Variants in SYNCRIP observed in about 807,000 individuals in gnomAD.
SYNCRIP encodes the protein heterogeneous nuclear ribonucleoprotein Q.
Under a neutral mutation model 68.9 loss-of-function variants are expected in SYNCRIP, and 9 were observed. The ratio of observed to expected loss-of-function variants is 0.13; its 90% confidence interval spans 0.08 to 0.23. The LOEUF (loss-of-function observed/expected upper bound fraction) is 0.23, where lower values mean the gene tolerates loss of function less well. SYNCRIP is among the 10% of genes least tolerant of loss of function. SYNCRIP has a pLI of 1.00. For synonymous variants in SYNCRIP, 258 were observed against 254.0 expected (o/e 1.02, Z -0.15); for missense variants, 414 against 770.6 (o/e 0.54, Z 5.48).
At chr6:85,627,812 T>C (rs1807236057) in intron 6 of SYNCRIP, among the ~76,000 whole-genome samples, 1 of 152,152 alleles carries the variant, frequency 6.6e-6, no homozygotes, top group Non-Finnish European at 1.5e-5. Context: ...AAAATGAAGA[T>C]TAATTATGAT....
At position 85,613,982 on chromosome 6, in the gene SYNCRIP, C is replaced by A. The variant is rs943508033; in HGVS notation, c.*774G>T. On this transcript the variant is annotated 3_prime_UTR_variant, in exon 11 of 11. Transcript: ENST00000369622. ...AATACTTACCAACTTAAACTTACTA[C>A]ATGTATTATCTTTTTATTTTTGATG... The A allele has an allele frequency of 3.7e-5, 36 of 983,560 alleles. No individual in the cohort carries two copies. Among genetic ancestry groups the A allele is most frequent in the Admixed American group, 6.2e-5 (1 of 16,252 alleles). The allele number at this position is 983,560 out of a possible 1,614,324, so 60.9% of individuals were successfully genotyped here. A position where few individuals can be genotyped will look rare whatever the true frequency, so the allele number is the denominator to read the frequency against.
intron 1 of SYNCRIP, among the ~76,000 whole-genome samples, chr6:85,642,309 A>G (rs1340288334): frequency 2.0e-5 from 3 of 151,896 alleles, no homozygotes; most frequent in Admixed American, 2.0e-4. Context: ...CCGAGACGTG[A>G]CCCGTGGCGC....
chr6:85,611,766 G>C (rs956339417), downstream of SYNCRIP: 4 of 151,818 alleles, frequency 2.6e-5, no homozygotes, highest in African/African-American at 9.7e-5. Context: ...TGATTCACAT[G>C]TTTACAGTGA....
chr6:85,607,794 A>G (rs1804955003), downstream of SYNCRIP: 1 of 152,084 alleles, frequency 6.6e-6, no homozygotes, highest in Non-Finnish European at 1.5e-5. Flanking sequence ...TAATTTCCAA[A>G]ATGGTTTATT....
At chr6:85,629,249 C>T (rs1807420168) in intron 6 of SYNCRIP, among the ~76,000 whole-genome samples, 1 of 152,138 alleles carries the variant, frequency 6.6e-6, no homozygotes, top group African/African-American at 2.4e-5. Context: ...CAACCCTAAT[C>T]CAGTCTCCCT....
At chr6:85,610,289 ATTTAAT>A (rs887917982), downstream of SYNCRIP, 8 of 151,994 alleles carry the variant, frequency 5.3e-5, no homozygotes, top group African/African-American at 1.9e-4. Context: ...TGCAAATGAT[ATTTAAT>A]TTTAAAAGTA....
chr6:85,622,336 T>TC (rs1806511578), intron 8 of SYNCRIP, 146 bp downstream of exon 8: 11 of 797,384 alleles, frequency 1.4e-5, no homozygotes, highest in African/African-American at 3.5e-5. Context: ...ACCATGGCAC[T>TC]CCAGCCTGGG....
chr6:85,641,274 G>C lies in SYNCRIP; in HGVS notation c.148+18C>G. ...TAGAAAAATTTCATAATGTAATTTTGCAAGTGTTAGTTCTTACCTGCAACG... is the reference window on the plus strand; with the variant it reads ...TAGAAAAATTTCATAATGTAATTTTCCAAGTGTTAGTTCTTACCTGCAACG... On this transcript the variant is annotated intron_variant, in intron 2 of 10. Transcript: ENST00000369622. 5 of 1,585,998 alleles carry C rather than the reference G, an allele frequency of 3.2e-6. No homozygotes were observed. The highest frequency in any genetic ancestry group is 4.3e-6 in the Non-Finnish European group (5 of 1,168,276).
At chr6:85,616,352 G>A (rs1387160478) in intron 10 of SYNCRIP, among the ~76,000 whole-genome samples, 1 of 152,148 alleles carries the variant, frequency 6.6e-6, no homozygotes, top group African/African-American at 2.4e-5. Context: ...TTGAGACACA[G>A]TCTTGCTCTG....
rs764298023 is a variant in SYNCRIP at position 85,619,254 on chromosome 6, T to C, written c.1158+14A>G. On this transcript the variant is annotated intron_variant, in intron 9 of 10. Coordinates refer to ENST00000369622, the MANE Select transcript of SYNCRIP (RefSeq NM_006372.5). ...TTAGTCTGATTTAGATGCCTGTAAT[T>C]CCACCATATTTACCTTGACAGCACC... 3 of 1,612,514 alleles carry C rather than the reference T, an allele frequency of 1.9e-6. No homozygotes were observed. The South Asian group carries it at 3.3e-5, about 18-fold the overall frequency.
chr6:85,614,915 GT>G lies in SYNCRIP; in HGVS notation c.1712del (p.Asn571ThrfsTer73). The G allele has an allele frequency of 6.2e-7, 1 of 1,614,154 alleles. No individual in the cohort carries two copies. Among genetic ancestry groups the G allele is most frequent in the Non-Finnish European group, 8.5e-7 (1 of 1,180,030 alleles). The stretch of plus-strand genomic sequence containing the variant: ...TCTGGCGCCGCTTGGAATCTGGCTG[GT>G]TGTACCCATCAGCTTTGCGCTTTCC... ...VGGKRKADGY[N>X]QPDSKRRQTN... is the part of the protein sequence containing the mutation. On this transcript the variant is annotated frameshift_variant, in exon 11 of 11. Coordinates refer to ENST00000369622, the MANE Select transcript of SYNCRIP (RefSeq NM_006372.5). LOFTEE classifies it high-confidence loss of function.
rs1442257751 is a variant in SYNCRIP, at chr6:85,631,133, A to C, written c.666+5834T>G. ...TGAGGCGGGCAAATCACTTGGGGTCAGGAGTTCGAGACCAGCCTGGCCAAC... is the reference window on the plus strand; with the variant it reads ...TGAGGCGGGCAAATCACTTGGGGTCCGGAGTTCGAGACCAGCCTGGCCAAC... On this transcript the variant is annotated intron_variant, in intron 6 of 10. Transcript: ENST00000369622. Among the ~76,000 whole-genome samples, 4 of 152,184 alleles carry C rather than the reference A, an allele frequency of 2.6e-5. No individual in the cohort carries two copies. The East Asian group carries it at 7.7e-4, about 29-fold the overall frequency.
rs1419176029 is a variant in SYNCRIP, at chr6:85,615,930, A to C, written c.1281-583T>G. ...ACAAGCACACAACCAAAATGTGTGA[A>C]GTTCAAAGTTTACTACAGTAAATTA... On this transcript the variant is annotated intron_variant, in intron 10 of 10. Coordinates refer to ENST00000369622, the MANE Select transcript of SYNCRIP (RefSeq NM_006372.5). Among the ~76,000 whole-genome samples, 4 of 152,256 alleles carry C rather than the reference A, an allele frequency of 2.6e-5. No homozygotes were observed. In the East Asian group the frequency reaches 7.7e-4, roughly 29 times the overall value.
At chr6:85,641,506 C>A in intron 1 of SYNCRIP, 55 bp from the exon 2 acceptor site, 1 of 1,529,266 alleles carries the variant, frequency 6.5e-7, no homozygotes. Flanking sequence ...GAATACAAGA[C>A]AATATGAGAG....
rs1805503077 is a variant in SYNCRIP at position 85,614,117 on chromosome 6, C to T, written c.*639G>A. Reference sequence around the variant, plus strand: ...ATTCCACACAAGAATTAACAAGGCACAAAACCCTTTAATTGGCCTTGACAT... The same window carrying T: ...ATTCCACACAAGAATTAACAAGGCATAAAACCCTTTAATTGGCCTTGACAT... On this transcript the variant is annotated 3_prime_UTR_variant, in exon 11 of 11. Transcript: ENST00000369622. The T allele has an allele frequency of 1.0e-6, 1 of 985,808 alleles. No individual in the cohort carries two copies. The highest frequency in any genetic ancestry group is 1.2e-6 in the Non-Finnish European group (1 of 829,922). The allele number at this position is 985,808 out of a possible 1,614,324, so 61.1% of individuals were successfully genotyped here.
intron 7 of SYNCRIP, among the ~76,000 whole-genome samples, chr6:85,623,651 C>CTACTAAGAA (rs1205434560): frequency 6.7e-6 from 1 of 148,794 alleles, no homozygotes; most frequent in Non-Finnish European, 1.5e-5. Context: ...TCAAACAATT[C>CTACTAAGAA]TACTAAGAAC....
At chr6:85,626,822 C>CA (rs1296410185) in intron 6 of SYNCRIP, among the ~76,000 whole-genome samples, 1 of 152,198 alleles carries the variant, frequency 6.6e-6, no homozygotes, top group East Asian at 1.9e-4. Flanking sequence ...TACCCATCAT[C>CA]ACTAGCCCTG....
chr6:85,623,562 CAAAAAA>C (rs67258131), intron 7 of SYNCRIP, among the ~76,000 whole-genome samples: 7 of 63,254 alleles, frequency 1.1e-4, no homozygotes, highest in South Asian at 6.7e-4. Context: ...AGACTGTCTC[CAAAAAA>C]AAAAAAAAAA....
chr6:85,631,820 G>A (rs906473412), intron 6 of SYNCRIP, among the ~76,000 whole-genome samples: 25 of 152,174 alleles, frequency 1.6e-4, no homozygotes, highest in African/African-American at 5.6e-4. Context: ...TAGCTGTATG[G>A]CCTCAGGCAA....
Sources: allele counts gnomAD v4.1 joint callset (sites outside exome capture counted in the v4.1 genomes callset), GRCh38; gene constraint gnomAD v4.1.1; transcripts MANE v1.5; gene names NCBI Gene and HGNC (gene_info 2026-07-23, HGNC 2026-07-21).